EPB41L3: variants seen among roughly 807,000 people sequenced by gnomAD.
The protein encoded by EPB41L3 is band 4.1-like protein 3.
Under a neutral mutation model 127.1 loss-of-function variants are expected in EPB41L3, and 57 were observed. The observed-to-expected ratio is 0.45, with a 90% CI of 0.36 to 0.56. The LOEUF (loss-of-function observed/expected upper bound fraction) is 0.56. EPB41L3 is among the 20% of genes least tolerant of loss of function. The probability of loss-of-function intolerance (pLI) is 0.00; values close to 1 mark genes in which losing one functional copy is unlikely to be tolerated. For synonymous variants in EPB41L3, 572 were observed against 549.5 expected (o/e 1.04, Z -0.57); for missense variants, 1,273 against 1,372.2 (o/e 0.93, Z 1.14).
intron 1 of EPB41L3, among the ~76,000 whole-genome samples, chr18:5,622,509 T>C (rs907804465): frequency 3.3e-5 from 5 of 152,208 alleles, no homozygotes; most frequent in Admixed American, 2.0e-4. Flanking sequence ...GTGAGCTAAA[T>C]AGTAAGGCAA....
intron 3 of EPB41L3, among the ~76,000 whole-genome samples, chr18:5,567,854 G>A (rs1019791791): frequency 3.9e-5 from 6 of 152,100 alleles, no homozygotes; most frequent in African/African-American, 1.4e-4. Context: ...GTCTAAGTGT[G>A]TACTTCTAAT....
At chr18:5,595,967 A>T (rs2094533259) in intron 3 of EPB41L3, among the ~76,000 whole-genome samples, 1 of 152,180 alleles carries the variant, frequency 6.6e-6, no homozygotes, top group Non-Finnish European at 1.5e-5. Flanking sequence ...ACCGTTTTTA[A>T]GTCTTTAAGG....
At chr18:5,575,194 C>T (rs1464729827) in intron 3 of EPB41L3, among the ~76,000 whole-genome samples, 1 of 152,118 alleles carries the variant, frequency 6.6e-6, no homozygotes, top group Non-Finnish European at 1.5e-5. Flanking sequence ...GTGAGTAATT[C>T]GCAATCTTTC....
chr18:5,401,359 G>A (rs1409694434), intron 16 of EPB41L3, among the ~76,000 whole-genome samples: 1 of 152,064 alleles, frequency 6.6e-6, no homozygotes, highest in East Asian at 1.9e-4. Context: ...CAATATAAAG[G>A]TATTCGTTCT....
chr18:5,438,006 T>C (rs1373244267), intron 6 of EPB41L3, 29 bp downstream of exon 6: 2 of 1,604,848 alleles, frequency 1.2e-6, no homozygotes, highest in African/African-American at 2.7e-5. Context: ...CCAATATGCT[T>C]GTCTTTTGCA....
intron 3 of EPB41L3, among the ~76,000 whole-genome samples, chr18:5,574,082 A>C (rs115697901): frequency 0.02 from 3,043 of 152,036 alleles, 82 homozygotes; most frequent in African/African-American, 0.063. Context: ...TAATATTAAT[A>C]TTTTCATGTT....
chr18:5,415,706 A>T, intron 13 of EPB41L3, 112 bp downstream of exon 13: 1 of 1,140,998 alleles, frequency 8.8e-7, no homozygotes, highest in South Asian at 1.5e-5. Context: ...ATTGGCACAG[A>T]CAATAAATGA....
intron 7 of EPB41L3, 114 bp downstream of exon 7, chr18:5,433,789 T>C (rs927224821): frequency 1.7e-6 from 2 of 1,186,192 alleles, no homozygotes; most frequent in South Asian, 1.3e-5. Context: ...GGACCCACAC[T>C]ATGCTCACGT....
At chr18:5,403,503 A>G (rs528191594) in intron 16 of EPB41L3, among the ~76,000 whole-genome samples, 1 of 152,108 alleles carries the variant, frequency 6.6e-6, no homozygotes, top group African/African-American at 2.4e-5. Context: ...TACTATAGAT[A>G]CAACAGTATA....
chr18:5,453,187 C>A (rs1303133714), intron 3 of EPB41L3, among the ~76,000 whole-genome samples: 1 of 152,202 alleles, frequency 6.6e-6, no homozygotes, highest in African/African-American at 2.4e-5. Flanking sequence ...TTTCTTCAGT[C>A]TTACAAAGCT....
At chr18:5,558,860 A>G (rs990707168) in intron 3 of EPB41L3, among the ~76,000 whole-genome samples, 17 of 152,258 alleles carry the variant, frequency 1.1e-4, no homozygotes, top group African/African-American at 4.1e-4. Flanking sequence ...CGAGGACATA[A>G]CAGGACAAAC....
intron 3 of EPB41L3, among the ~76,000 whole-genome samples, chr18:5,595,048 T>C (rs911474025): frequency 6.6e-6 from 1 of 152,210 alleles, no homozygotes; most frequent in African/African-American, 2.4e-5. Flanking sequence ...GTTAGATCTC[T>C]AAAAATGACC....
intron 3 of EPB41L3, among the ~76,000 whole-genome samples, chr18:5,566,714 TTTCTATTCCATTCTATTCTA>T (rs1303235927): frequency 1.5e-5 from 2 of 134,794 alleles, no homozygotes; most frequent in East Asian, 2.4e-4. Flanking sequence ...TTTCTTTTCT[TTTCTATTCCATTCTATTCTA>T]TTCTATTCTA....
intron 11 of EPB41L3, among the ~76,000 whole-genome samples, chr18:5,422,897 G>A (rs1243890450): frequency 6.6e-6 from 1 of 152,140 alleles, no homozygotes; most frequent in Non-Finnish European, 1.5e-5. Context: ...TCTGTTATTT[G>A]AATGTCATCC....
intron 16 of EPB41L3, among the ~76,000 whole-genome samples, chr18:5,401,971 C>T (rs929793502): frequency 1.3e-5 from 2 of 152,054 alleles, no homozygotes; most frequent in East Asian, 1.9e-4. Context: ...CTTATCATTA[C>T]AAACAATGTA....
chr18:5,420,366 G>A (rs1357742367), intron 11 of EPB41L3, among the ~76,000 whole-genome samples: 1 of 152,142 alleles, frequency 6.6e-6, no homozygotes, highest in Non-Finnish European at 1.5e-5. Context: ...TCACCAAGGA[G>A]CACTGAATTG....
chr18:5,553,457 C>T (rs2093991961), intron 3 of EPB41L3, among the ~76,000 whole-genome samples: 1 of 152,208 alleles, frequency 6.6e-6, no homozygotes, highest in Non-Finnish European at 1.5e-5. Flanking sequence ...TGATGCTAAA[C>T]TGCCCCTACA....
At chr18:5,400,751 C>T (rs1339088991) in intron 16 of EPB41L3, 1 of 562,752 alleles carries the variant, frequency 1.8e-6, no homozygotes, top group African/African-American at 1.9e-5. Context: ...GAAAAATCAG[C>T]TTGGATTAGA....
At chr18:5,490,765 T>C (rs937571045) in intron 1 of EPB41L3, among the ~76,000 whole-genome samples, 2 of 152,106 alleles carry the variant, frequency 1.3e-5, no homozygotes, top group African/African-American at 4.8e-5. Context: ...GAGAAAACAG[T>C]AGAGGAGGAG....
Sources: gnomAD v4.1 joint callset for allele counts (sites outside exome capture counted in the v4.1 genomes callset) on GRCh38, gnomAD v4.1.1 for gene constraint, MANE v1.5 for transcripts, NCBI Gene and HGNC (gene_info 2026-07-23, HGNC 2026-07-21) for gene names.